Variants in DTD1 observed in about 807,000 individuals in gnomAD.
DTD1 encodes the protein D-tyrosyl-tRNA deacylase 1 homolog.
In DTD1, 13 loss-of-function variants were observed where a neutral mutation model predicts 25.6. The ratio of observed to expected loss-of-function variants is 0.51; its 90% CI spans 0.33 to 0.81. The LOEUF (loss-of-function observed/expected upper bound fraction) is 0.81. Among genes scored for constraint, DTD1 ranks in the 30% least tolerant of loss-of-function variants. The pLI, the probability that DTD1 is intolerant of heterozygous loss-of-function variation, is 0.02. For synonymous variants in DTD1, 110 were observed against 103.6 expected (o/e 1.06, Z -0.37); for missense variants, 193 against 266.4 (o/e 0.72, Z 1.92).
chr20:18,762,559 G>C (rs561847917), intron 5 of DTD1, among the ~76,000 whole-genome samples: 42 of 152,142 alleles, frequency 2.8e-4, no homozygotes, highest in Non-Finnish European at 5.1e-4. Context: ...TTGTTAAAAT[G>C]ATTTGGAAAT....
chr20:18,760,784 C>T (rs2061358411), intron 5 of DTD1, among the ~76,000 whole-genome samples: 1 of 152,234 alleles, frequency 6.6e-6, no homozygotes, highest in Admixed American at 6.5e-5. Context: ...ACATTTAAGT[C>T]TGCAGAGGTT....
chr20:18,732,440 T>C (rs1193695428), intron 4 of DTD1, among the ~76,000 whole-genome samples: 1 of 152,210 alleles, frequency 6.6e-6, no homozygotes, highest in Admixed American at 6.5e-5. Context: ...TACTTTTGCC[T>C]TCTAATAGCT....
intron 4 of DTD1, among the ~76,000 whole-genome samples, chr20:18,696,415 A>G (rs2061076809): frequency 6.6e-6 from 1 of 152,160 alleles, no homozygotes; most frequent in South Asian, 2.1e-4. Flanking sequence ...CCTTCAGGTC[A>G]GGTGCCCTCC....
intron 4 of DTD1, among the ~76,000 whole-genome samples, chr20:18,651,383 T>C (rs12480122): frequency 0.18 from 27,332 of 152,196 alleles, 2,660 homozygotes; most frequent in East Asian, 0.35. Context: ...ACTCCCGACC[T>C]CAGGCAATCT....
At chr20:18,639,549 A>G (rs905155649) in intron 4 of DTD1, among the ~76,000 whole-genome samples, 2 of 152,032 alleles carry the variant, frequency 1.3e-5, no homozygotes, top group Non-Finnish European at 2.9e-5. Context: ...AGGTTGTCCT[A>G]CTGTGGGCTC....
chr20:18,626,698 A>G (rs1330608732), intron 3 of DTD1, among the ~76,000 whole-genome samples: 2 of 152,168 alleles, frequency 1.3e-5, no homozygotes, highest in Non-Finnish European at 2.9e-5. Context: ...ATCTCTTAAA[A>G]CATGTCTTTG....
At chr20:18,660,971 G>A (rs992984060) in intron 4 of DTD1, among the ~76,000 whole-genome samples, 1 of 152,186 alleles carries the variant, frequency 6.6e-6, no homozygotes, top group Non-Finnish European at 1.5e-5. Flanking sequence ...CCTTTAGGCT[G>A]AGGTTCATTT....
rs536723100 is a variant in DTD1 at position 18,650,649 on chromosome 20, A to G, written c.477+22416A>G. On this transcript the variant is annotated intron_variant, in intron 4 of 5. Transcript: ENST00000377452. ...TATTGTCTCTTTTCCCTGCCAAAAT[A>G]TAAGTTCCCCAAGGGCAGGGATCTT... 3.3e-5 allele frequency among the ~76,000 whole-genome samples: 5 copies of G among 152,356 alleles called. No homozygotes were observed. In the South Asian group the frequency reaches 6.2e-4, roughly 19 times the overall value.
At chr20:18,629,487 A>G (rs919415524) in intron 4 of DTD1, among the ~76,000 whole-genome samples, 3 of 151,250 alleles carry the variant, frequency 2.0e-5, no homozygotes, top group Admixed American at 2.0e-4. Flanking sequence ...TTGTGTAGAG[A>G]GGGAGTTTTA....
intron 5 of DTD1, among the ~76,000 whole-genome samples, chr20:18,748,611 A>T (rs918087919): frequency 6.6e-6 from 1 of 152,162 alleles, no homozygotes; most frequent in Non-Finnish European, 1.5e-5. Context: ...TGTGTCACAG[A>T]ACATACAGGA....
Position 18,639,516 on chromosome 20 carries a change from G to A in DTD1, c.477+11283G>A, listed in dbSNP as rs75940355. On this transcript the variant is annotated intron_variant, in intron 4 of 5. Coordinates refer to ENST00000377452, the MANE Select transcript of DTD1 (RefSeq NM_080820.6). ...GAAGGGAGGCAGCTGCTCCAGAGGC[G>A]GAGTGGAAGTCAGGACTGGAGAAGG... Among the ~76,000 whole-genome samples the A allele has an allele frequency of 8.9e-3, 1,353 of 152,226 alleles. 20 individuals carry two copies. The highest frequency in any genetic ancestry group is 0.031 in the African/African-American group (1,287 of 41,532).
intron 4 of DTD1, among the ~76,000 whole-genome samples, chr20:18,736,920 G>A (rs6136498): frequency 0.33 from 49,594 of 152,038 alleles, 8,479 homozygotes; most frequent in Non-Finnish European, 0.38. Context: ...GTGGCCACAC[G>A]AGCCACATCA....
At chr20:18,680,399 A>T (rs1239870142) in intron 4 of DTD1, among the ~76,000 whole-genome samples, 3 of 87,128 alleles carry the variant, frequency 3.4e-5, no homozygotes, top group African/African-American at 8.0e-5. Flanking sequence ...TATCACAGTG[A>T]TTTTTGTTGT....
intron 5 of DTD1, among the ~76,000 whole-genome samples, chr20:18,759,274 T>C (rs1239068707): frequency 2.6e-5 from 4 of 152,182 alleles, no homozygotes; most frequent in African/African-American, 9.7e-5. Context: ...TTTGATCCTG[T>C]CATTATGATG....
In DTD1 at chr20:18,760,944, C is replaced by T. The variant is rs541693807; in HGVS notation, c.*20-2416C>T. Among the ~76,000 whole-genome samples the T allele has an allele frequency of 7.2e-5, 11 of 152,332 alleles. No individual in the cohort carries two copies. In the South Asian group the frequency reaches 2.1e-3, roughly 29 times the overall value. On this transcript the variant is annotated intron_variant, in intron 5 of 5. Coordinates refer to ENST00000377452, the MANE Select transcript of DTD1 (RefSeq NM_080820.6). ...CAAGCCTCGGCAATGGTGGGCGCCC[C>T]TCCCCCAGCCTTGCTGCCACCTTGC...
intron 4 of DTD1, among the ~76,000 whole-genome samples, chr20:18,639,902 T>C (rs2060822018): frequency 6.6e-6 from 1 of 152,182 alleles, no homozygotes; most frequent in Admixed American, 6.5e-5. Flanking sequence ...TGTTCAGGAA[T>C]TGCATGGCTG....
At chr20:18,638,208 CATCCATCT>C (rs2060815405) in intron 4 of DTD1, among the ~76,000 whole-genome samples, 1 of 86,282 alleles carries the variant, frequency 1.2e-5, no homozygotes, top group African/African-American at 4.2e-5. Flanking sequence ...TCCATCCATC[CATCCATCT>C]ATCCATCCAC....
intron 4 of DTD1, among the ~76,000 whole-genome samples, chr20:18,733,014 T>G (rs2061243915): frequency 6.6e-6 from 1 of 152,052 alleles, no homozygotes; most frequent in Admixed American, 6.5e-5. Flanking sequence ...GTGGTTTAGG[T>G]CCCCAAGTGA....
intron 4 of DTD1, among the ~76,000 whole-genome samples, chr20:18,653,240 A>C (rs2060880377): frequency 6.6e-6 from 1 of 152,172 alleles, no homozygotes; most frequent in Non-Finnish European, 1.5e-5. Context: ...TGTCTCTATA[A>C]AAAATTAGCT....
Sources: allele counts gnomAD v4.1 joint callset (sites outside exome capture counted in the v4.1 genomes callset), GRCh38; gene constraint gnomAD v4.1.1; transcripts MANE v1.5; gene names NCBI Gene and HGNC (gene_info 2026-07-23, HGNC 2026-07-21).